The following CTNNA3 variants were observed in gnomAD, a reference collection of about 807,000 sequenced individuals.
CTNNA3 encodes catenin alpha-3.
Under a neutral mutation model 95.7 loss-of-function variants are expected in CTNNA3, and 76 were observed. The observed-to-expected ratio is 0.79, with a 90% CI of 0.66 to 0.96. CTNNA3 has a LOEUF of 0.96. Among genes scored for constraint, CTNNA3 ranks in the 40% least tolerant of loss-of-function variants. The pLI is 0.00. For missense variants in CTNNA3, 1,191 were observed against 1,089.8 expected (o/e 1.09, Z -1.31); for synonymous variants, 431 against 374.4 (o/e 1.15, Z -1.74).
At chr10:67,568,562 CAT>C (rs1000415168) in intron 3 of CTNNA3, among the ~76,000 whole-genome samples, 3 of 151,062 alleles carry the variant, frequency 2.0e-5, no homozygotes, top group South Asian at 2.1e-4. Flanking sequence ...GACACACACA[CAT>C]ATATATATAT....
At chr10:66,822,381 C>A (rs1407015413) in intron 7 of CTNNA3, among the ~76,000 whole-genome samples, 3 of 152,124 alleles carry the variant, frequency 2.0e-5, no homozygotes, top group Admixed American at 2.0e-4. Context: ...CGCTACTGAT[C>A]AATCAGGATT....
In CTNNA3 at chr10:67,264,858, C is replaced by T. The variant is rs535973129; in HGVS notation, c.580-44988G>A. On this transcript the variant is annotated intron_variant, in intron 5 of 17. Transcript: ENST00000433211. The stretch of plus-strand genomic sequence containing the variant: ...GGATAAACTTTCCACTGCATGATGC[C>T]GTAATTCACCATTTCCAAAATAAGT... Among the ~76,000 whole-genome samples, 8 of 152,168 alleles carry T rather than the reference C, an allele frequency of 5.3e-5. No homozygotes were observed. In the South Asian group the frequency reaches 1.2e-3, roughly 24 times the overall value.
Position 67,342,028 on chromosome 10 carries a change from A to G in CTNNA3, c.580-122158T>C, listed in dbSNP as rs1438710700. Among the ~76,000 whole-genome samples, 8 of 138,598 alleles carry G rather than the reference A, an allele frequency of 5.8e-5. No homozygotes were observed. The South Asian group carries it at 1.9e-3, about 32-fold the overall frequency. The allele number at this position is 138,598 out of a possible 152,430, so 90.9% of individuals were successfully genotyped here. ...CAAACTCCATCTATTCTACATAGCTATTCCAGTTTTCTTTTGATTCGTAGT... is the reference window on the plus strand; with the variant it reads ...CAAACTCCATCTATTCTACATAGCTGTTCCAGTTTTCTTTTGATTCGTAGT... On this transcript the variant is annotated intron_variant, in intron 5 of 17. Coordinates refer to ENST00000433211, the MANE Select transcript of CTNNA3 (RefSeq NM_013266.4).
At chr10:67,658,466 A>T (rs1476009271) in intron 1 of CTNNA3, among the ~76,000 whole-genome samples, 6 of 152,190 alleles carry the variant, frequency 3.9e-5, no homozygotes, top group African/African-American at 1.4e-4. Context: ...GAGTGCTTTC[A>T]TTGATTGTTT....
chr10:67,062,284 A>G (rs918921425), intron 7 of CTNNA3, among the ~76,000 whole-genome samples: 3 of 152,174 alleles, frequency 2.0e-5, no homozygotes, highest in Non-Finnish European at 4.4e-5. Context: ...AACTTATAGC[A>G]TATAAGCTCC....
At chr10:66,443,687 CA>C (rs1319737833) in intron 11 of CTNNA3, among the ~76,000 whole-genome samples, 1 of 151,982 alleles carries the variant, frequency 6.6e-6, no homozygotes, top group Non-Finnish European at 1.5e-5. Context: ...TTGCCATCAT[CA>C]AAGACCAAAA....
At chr10:67,029,432 G>T (rs1263528434) in intron 7 of CTNNA3, among the ~76,000 whole-genome samples, 1 of 152,124 alleles carries the variant, frequency 6.6e-6, no homozygotes, top group Non-Finnish European at 1.5e-5. Context: ...TGGCATTTGG[G>T]CATGGTTGAG....
At chr10:67,588,321 G>A (rs554297021) in intron 3 of CTNNA3, among the ~76,000 whole-genome samples, 32 of 151,014 alleles carry the variant, frequency 2.1e-4, no homozygotes, top group Admixed American at 1.3e-3. Context: ...TGGTGTAACC[G>A]TTGTTTCTAT....
At chr10:66,330,878 A>G (rs1342477009) in intron 12 of CTNNA3, among the ~76,000 whole-genome samples, 3 of 152,042 alleles carry the variant, frequency 2.0e-5, no homozygotes, top group African/African-American at 7.2e-5. Context: ...TCTTTTGAGA[A>G]GTGTCTGTTC....
intron 13 of CTNNA3, among the ~76,000 whole-genome samples, chr10:66,276,611 A>G (rs2091404023): frequency 6.6e-6 from 1 of 152,136 alleles, no homozygotes; most frequent in South Asian, 2.1e-4. Flanking sequence ...CCTGATGTTA[A>G]TAAGCATAAG....
intron 15 of CTNNA3, among the ~76,000 whole-genome samples, chr10:66,050,702 T>C (rs1242175737): frequency 1.3e-5 from 2 of 152,186 alleles, no homozygotes; most frequent in Non-Finnish European, 2.9e-5. Context: ...GTGCCCTACA[T>C]TCCATATTCC....
intron 3 of CTNNA3, among the ~76,000 whole-genome samples, chr10:67,559,246 G>C (rs185499442): frequency 6.6e-6 from 1 of 152,164 alleles, no homozygotes; most frequent in Non-Finnish European, 1.5e-5. Context: ...CCCCCAGTAG[G>C]GGCAGACTGA....
intron 6 of CTNNA3, among the ~76,000 whole-genome samples, chr10:67,214,544 T>C (rs1864269572): frequency 6.6e-6 from 1 of 151,970 alleles, no homozygotes; most frequent in African/African-American, 2.4e-5. Flanking sequence ...TAAATCCTTA[T>C]GTTTACCATT....
At chr10:66,859,631 G>A (rs371924922) in intron 7 of CTNNA3, among the ~76,000 whole-genome samples, 2 of 147,170 alleles carry the variant, frequency 1.4e-5, no homozygotes, top group Non-Finnish European at 3.0e-5. Flanking sequence ...ATCTAGAACT[G>A]GAAATACCAT....
intron 13 of CTNNA3, among the ~76,000 whole-genome samples, chr10:66,147,107 A>T (rs1235882714): frequency 6.6e-6 from 1 of 152,026 alleles, no homozygotes; most frequent in Non-Finnish European, 1.5e-5. Context: ...CTCTCTTGTT[A>T]AATCTGGGGT....
intron 1 of CTNNA3, among the ~76,000 whole-genome samples, chr10:67,722,613 G>T (rs906865922): frequency 1.3e-5 from 2 of 152,034 alleles, no homozygotes; most frequent in African/African-American, 4.8e-5. Flanking sequence ...AACAAATCAC[G>T]GCAAAGACAT....
At chr10:66,903,239 A>G (rs1003999746) in intron 7 of CTNNA3, among the ~76,000 whole-genome samples, 14 of 152,304 alleles carry the variant, frequency 9.2e-5, no homozygotes, top group African/African-American at 3.4e-4. Context: ...AAATCAGTAA[A>G]CATAATCCAT....
At chr10:67,010,265 T>C (rs1173874381) in intron 7 of CTNNA3, among the ~76,000 whole-genome samples, 2 of 152,232 alleles carry the variant, frequency 1.3e-5, no homozygotes, top group Non-Finnish European at 2.9e-5. Context: ...CATAATTGTA[T>C]GTAGGCAAAT....
chr10:67,331,953 A>G (rs1765823687), intron 5 of CTNNA3, among the ~76,000 whole-genome samples: 1 of 152,192 alleles, frequency 6.6e-6, no homozygotes, highest in Non-Finnish European at 1.5e-5. Flanking sequence ...ATGAGAGAAT[A>G]TATAGCCATT....
Sources: allele counts gnomAD v4.1 joint callset (sites outside exome capture counted in the v4.1 genomes callset), GRCh38; gene constraint gnomAD v4.1.1; transcripts MANE v1.5; gene names NCBI Gene and HGNC (gene_info 2026-07-23, HGNC 2026-07-21).